UNC13C: variants seen among roughly 807,000 people sequenced by gnomAD.
The protein encoded by UNC13C is protein unc-13 homolog C.
Under a neutral mutation model 245.4 loss-of-function variants are expected in UNC13C, and 174 were observed. That is an observed-to-expected ratio of 0.71 (90% CI 0.63 to 0.80). UNC13C has a LOEUF of 0.80. Ranked by LOEUF, UNC13C falls within the 30% of genes least tolerant of loss-of-function variation. The probability of loss-of-function intolerance (pLI) is 0.00; values close to 1 mark genes in which losing one functional copy is unlikely to be tolerated. For missense variants in UNC13C, 2,829 were observed against 2,602.9 expected (o/e 1.09, Z -1.89); for synonymous variants, 992 against 895.1 (o/e 1.11, Z -1.93).
rs186404660 is a variant in UNC13C, at chr15:54,399,817, C to A, written c.4847+6636C>A. ...AGTGAGGAAGTTTAGGTTTAAGCGA[C>A]TTTGATCAGGGATTTGTCCTTTGTT... On this transcript the variant is annotated intron_variant, in intron 18 of 32. Transcript: ENST00000260323. Among the ~76,000 whole-genome samples, 30 of 151,984 alleles carry A rather than the reference C, an allele frequency of 2.0e-4. No individual in the cohort carries two copies. In the East Asian group the frequency reaches 5.0e-3, roughly 25 times the overall value.
At chr15:54,495,563 G>T (rs373222865) in intron 20 of UNC13C, among the ~76,000 whole-genome samples, 25 of 152,062 alleles carry the variant, frequency 1.6e-4, no homozygotes, top group Non-Finnish European at 3.4e-4. Flanking sequence ...AAAGCATTAA[G>T]ATGAAAATGA....
At chr15:54,460,831 A>G (rs1891806090) in intron 19 of UNC13C, among the ~76,000 whole-genome samples, 1 of 152,218 alleles carries the variant, frequency 6.6e-6, no homozygotes, top group African/African-American at 2.4e-5. Flanking sequence ...TCCAAGTGGG[A>G]GCTGCACGTT....
intron 19 of UNC13C, among the ~76,000 whole-genome samples, chr15:54,454,331 C>A (rs2141013407): frequency 6.6e-6 from 1 of 152,188 alleles, no homozygotes; most frequent in East Asian, 1.9e-4. Context: ...AATCCCAGCA[C>A]TTTGGGAGGC....
At chr15:54,101,201 T>C (rs1206643844) in intron 2 of UNC13C, among the ~76,000 whole-genome samples, 1 of 152,288 alleles carries the variant, frequency 6.6e-6, no homozygotes, top group African/African-American at 2.4e-5. Context: ...TCTGCTTCTA[T>C]CATGGTTCCT....
chr15:54,630,205 G>C (rs1381229965), downstream of UNC13C: 4 of 152,140 alleles, frequency 2.6e-5, no homozygotes, highest in Non-Finnish European at 5.9e-5. Flanking sequence ...CAAACACAAA[G>C]TATTTAAACC....
chr15:53,961,554 A>T, the UNC13C span, among the ~76,000 whole-genome samples: 1 of 152,200 alleles, frequency 6.6e-6, no homozygotes. Flanking sequence ...ACAGTTTAGA[A>T]ACTGTTTGAA....
chr15:54,389,433 G>A (rs1478201859), intron 17 of UNC13C, among the ~76,000 whole-genome samples: 1 of 152,190 alleles, frequency 6.6e-6, no homozygotes. Context: ...AGCTTTCCCA[G>A]TGGGGCTGAT....
chr15:54,086,597 C>T (rs1344702270), intron 2 of UNC13C, among the ~76,000 whole-genome samples: 1 of 151,884 alleles, frequency 6.6e-6, no homozygotes, highest in Non-Finnish European at 1.5e-5. Flanking sequence ...GATGAAAGTT[C>T]AAAAGAGGGA....
intron 30 of UNC13C, among the ~76,000 whole-genome samples, chr15:54,599,802 C>G (rs9920919): frequency 1.3e-5 from 2 of 151,742 alleles, no homozygotes; most frequent in Admixed American, 1.3e-4. Context: ...AAATGAAGGA[C>G]ATCTGCTTCT....
the UNC13C span, among the ~76,000 whole-genome samples, chr15:53,857,859 T>C: frequency 6.6e-6 from 1 of 152,330 alleles, no homozygotes; most frequent in Admixed American, 6.5e-5. Context: ...GAAAGTACAA[T>C]GGTGAGCTGA....
chr15:54,261,810 T>C (rs1022488338), intron 8 of UNC13C, among the ~76,000 whole-genome samples: 1 of 152,208 alleles, frequency 6.6e-6, no homozygotes, highest in African/African-American at 2.4e-5. Flanking sequence ...CCCAAAGTGC[T>C]GGGATTACAG....
intron 26 of UNC13C, among the ~76,000 whole-genome samples, chr15:54,537,232 C>T (rs958119795): frequency 2.6e-5 from 4 of 151,562 alleles, no homozygotes; most frequent in Non-Finnish European, 5.9e-5. Context: ...TCACAATAGC[C>T]ACATACACAC....
intron 4 of UNC13C, among the ~76,000 whole-genome samples, chr15:54,182,637 A>T (rs993802754): frequency 8.6e-5 from 13 of 151,922 alleles, no homozygotes; most frequent in Non-Finnish European, 1.9e-4. Context: ...ATCTATCTCA[A>T]CCTGGGTGTT....
In UNC13C at chr15:54,445,660, T is replaced by C. The variant is rs1243157283; in HGVS notation, c.4933+30593T>C. On this transcript the variant is annotated intron_variant, in intron 19 of 32. Coordinates refer to ENST00000260323, the MANE Select transcript of UNC13C (RefSeq NM_001080534.3). ...ATGGGGTTGTTTTTTTCTTGTAAAT[T>C]TGTTTGAGTTCTTTGTAGATTCTGG... 5.9e-5 allele frequency among the ~76,000 whole-genome samples: 9 copies of C among 152,322 alleles called. No homozygotes were observed. In the East Asian group the frequency reaches 1.7e-3, roughly 29 times the overall value.
At chr15:54,335,831 G>A (rs138597517) in intron 16 of UNC13C, among the ~76,000 whole-genome samples, 51 of 152,226 alleles carry the variant, frequency 3.4e-4, no homozygotes, top group African/African-American at 1.2e-3. Flanking sequence ...ATAAGCATGG[G>A]ATTATAGTTG....
intron 19 of UNC13C, among the ~76,000 whole-genome samples, chr15:54,431,164 C>G (rs942289552): frequency 2.6e-5 from 4 of 151,610 alleles, no homozygotes; most frequent in African/African-American, 4.8e-5. Flanking sequence ...ATTATATATC[C>G]AAGAAATTTA....
chr15:54,532,757 C>T (rs1272973858), intron 25 of UNC13C, among the ~76,000 whole-genome samples, 160 bp from the exon 26 acceptor site: 1 of 152,100 alleles, frequency 6.6e-6, no homozygotes, highest in Admixed American at 6.6e-5. Flanking sequence ...CGTAAGCTTT[C>T]ATTGGAACAA....
In UNC13C at chr15:54,125,174, A is replaced by T. The variant is rs2030951542; in HGVS notation, c.2984-17844A>T. On this transcript the variant is annotated intron_variant, in intron 2 of 32. Coordinates refer to ENST00000260323, the MANE Select transcript of UNC13C (RefSeq NM_001080534.3). Reference sequence around the variant, plus strand: ...AACTCTTGTCCTTAAATATAAAAATAATTCTAGGGCCGGGCACAGTGGCTC... The same window carrying T: ...AACTCTTGTCCTTAAATATAAAAATTATTCTAGGGCCGGGCACAGTGGCTC... Among the ~76,000 whole-genome samples the T allele has an allele frequency of 3.3e-5, 5 of 152,176 alleles. No individual in the cohort carries two copies. The South Asian group carries it at 1.0e-3, about 32-fold the overall frequency.
chr15:54,469,861 T>C (rs1257941774), intron 19 of UNC13C, among the ~76,000 whole-genome samples: 2 of 151,560 alleles, frequency 1.3e-5, no homozygotes, highest in Non-Finnish European at 3.0e-5. Context: ...TCTTCGACTT[T>C]TTGCCATTCA....
Sources: allele counts gnomAD v4.1 joint callset (sites outside exome capture counted in the v4.1 genomes callset), GRCh38; gene constraint gnomAD v4.1.1; transcripts MANE v1.5; gene names NCBI Gene and HGNC (gene_info 2026-07-23, HGNC 2026-07-21).